KDM4C: variants seen among roughly 807,000 people sequenced by gnomAD.
The protein encoded by KDM4C is lysine demethylase 4C, also known as lysine-specific demethylase 4C.
In KDM4C, 81 loss-of-function variants were observed where a neutral mutation model predicts 129.3. That is an observed-to-expected ratio of 0.63 (90% CI 0.52 to 0.75). The LOEUF is 0.75. Among genes scored for constraint, KDM4C ranks in the 30% least tolerant of loss-of-function variants. The probability of loss-of-function intolerance (pLI) is 0.00; values close to 1 mark genes in which losing one functional copy is unlikely to be tolerated. For synonymous variants in KDM4C, 573 were observed against 456.1 expected (o/e 1.26, Z -3.26); for missense variants, 1,457 against 1,304.0 (o/e 1.12, Z -1.81).
intron 8 of KDM4C, among the ~76,000 whole-genome samples, chr9:6,980,005 C>T (rs113470606): frequency 5.1e-4 from 78 of 152,206 alleles, no homozygotes; most frequent in Middle Eastern, 6.8e-3. Context: ...TATATTAAGA[C>T]TTTGGAGTTA....
At chr9:7,086,489 T>G (rs368747992) in intron 17 of KDM4C, among the ~76,000 whole-genome samples, 1 of 152,172 alleles carries the variant, frequency 6.6e-6, no homozygotes, top group Non-Finnish European at 1.5e-5. Flanking sequence ...TGAGTCCACA[T>G]TGGAATAGGC....
chr9:7,085,029 T>C (rs1329075990), intron 17 of KDM4C, among the ~76,000 whole-genome samples: 1 of 152,148 alleles, frequency 6.6e-6, no homozygotes, highest in African/African-American at 2.4e-5. Context: ...GATCAGTAGG[T>C]GTGGCCAAGA....
At chr9:6,809,465 G>C (rs982662943) in intron 3 of KDM4C, among the ~76,000 whole-genome samples, 1 of 152,158 alleles carries the variant, frequency 6.6e-6, no homozygotes, top group Admixed American at 6.5e-5. Context: ...TAGTAACTCT[G>C]CTTGGCTCCT....
At chr9:6,807,772 C>A (rs1441953273) in intron 3 of KDM4C, among the ~76,000 whole-genome samples, 1 of 145,408 alleles carries the variant, frequency 6.9e-6, no homozygotes, top group South Asian at 2.2e-4. Context: ...CCGGCAGCCA[C>A]CCCGTCTGGG....
intron 8 of KDM4C, among the ~76,000 whole-genome samples, chr9:6,923,300 C>T (rs1258235691): frequency 6.6e-6 from 1 of 151,790 alleles, no homozygotes. Context: ...ACCCTCTTTT[C>T]TGGCTATTGT....
chr9:6,942,062 A>G (rs1563854063), intron 8 of KDM4C, among the ~76,000 whole-genome samples: 1 of 152,222 alleles, frequency 6.6e-6, no homozygotes, highest in Non-Finnish European at 1.5e-5. Context: ...GTTCCAATAT[A>G]AATTGGTAGA....
chr9:6,929,175 A>AT, intron 8 of KDM4C, among the ~76,000 whole-genome samples: 1 of 152,222 alleles, frequency 6.6e-6, no homozygotes, highest in Non-Finnish European at 1.5e-5. Context: ...CTTTACCTTA[A>AT]TTTTAGGGCT....
At chr9:6,803,596 A>AAAAAATT (rs1588381713) in intron 2 of KDM4C, among the ~76,000 whole-genome samples, 2 of 151,738 alleles carry the variant, frequency 1.3e-5, no homozygotes, top group East Asian at 3.9e-4. Context: ...GTTTGTTTTA[A>AAAAAATT]AAAAATTAAA....
intron 8 of KDM4C, chr9:6,974,774 T>C (rs1832656242): frequency 6.6e-6 from 1 of 152,174 alleles, no homozygotes; most frequent in Non-Finnish European, 1.5e-5. Context: ...AGATTTATCA[T>C]CCATATAAAC....
intron 7 of KDM4C, among the ~76,000 whole-genome samples, chr9:6,890,239 G>A (rs191307540): frequency 3.3e-5 from 5 of 152,248 alleles, no homozygotes; most frequent in Admixed American, 1.3e-4. Context: ...TGATTCAGTC[G>A]CATAATCTTT....
intron 19 of KDM4C, among the ~76,000 whole-genome samples, chr9:7,155,541 T>C (rs2130222877): frequency 6.6e-6 from 1 of 152,200 alleles, no homozygotes; most frequent in South Asian, 2.1e-4. Flanking sequence ...CGGTGTGTGA[T>C]GTTCCCTGCC....
chr9:6,983,613 C>CACACACA (rs1554679077), intron 9 of KDM4C, among the ~76,000 whole-genome samples: 22 of 146,498 alleles, frequency 1.5e-4, no homozygotes, highest in Non-Finnish European at 1.5e-4. Context: ...CACACACACA[C>CACACACA]CAGTTAGCCT....
In KDM4C at chr9:7,174,837, G is replaced by A. The variant is rs1845302757; in HGVS notation, c.*108G>A. The A allele has an allele frequency of 4.2e-6, 4 of 942,158 alleles. No homozygotes were observed. The highest frequency in any genetic ancestry group is 2.2e-5 in the Admixed American group (1 of 46,330). The allele number at this position is 942,158 out of a possible 1,614,324, so 58.4% of individuals were successfully genotyped here. On this transcript the variant is annotated 3_prime_UTR_variant, in exon 22 of 22. Transcript: ENST00000381309. ...GTTTTGCTGGCATAGGTGACAGGGT[G>A]TGTCTCTGACAGTGGTAAATCGGGT...
chr9:6,906,974 A>G (rs1424784380), intron 8 of KDM4C, among the ~76,000 whole-genome samples: 1 of 152,246 alleles, frequency 6.6e-6, no homozygotes, highest in Non-Finnish European at 1.5e-5. Flanking sequence ...ATATGGATCA[A>G]GGATTCTAGA....
chr9:7,003,864 A>G (rs1250095515), intron 12 of KDM4C, among the ~76,000 whole-genome samples: 2 of 152,178 alleles, frequency 1.3e-5, no homozygotes, highest in African/African-American at 4.8e-5. Flanking sequence ...CCCAAGTTTG[A>G]ATCTTTGCCT....
intron 5 of KDM4C, among the ~76,000 whole-genome samples, chr9:6,863,428 T>C (rs7867935): frequency 0.14 from 21,487 of 152,074 alleles, 1,878 homozygotes; most frequent in South Asian, 0.34. Flanking sequence ...CTTCTGCATC[T>C]GGTGAGGGTC....
At chr9:6,995,733 GCA>G (rs1819572696) in intron 12 of KDM4C, among the ~76,000 whole-genome samples, 11 of 151,906 alleles carry the variant, frequency 7.2e-5, no homozygotes, top group Admixed American at 6.6e-4. Flanking sequence ...GTGCAGTGGC[GCA>G]GTCTCAGCTC....
intron 12 of KDM4C, among the ~76,000 whole-genome samples, chr9:7,002,822 C>T (rs929423538): frequency 2.0e-5 from 3 of 152,182 alleles, no homozygotes; most frequent in Non-Finnish European, 2.9e-5. Flanking sequence ...TGGTAGATAA[C>T]AGGCTTTAAA....
At chr9:7,128,770 C>CTGTG (rs111822868) in intron 19 of KDM4C, among the ~76,000 whole-genome samples, 3 of 151,592 alleles carry the variant, frequency 2.0e-5, no homozygotes, top group East Asian at 3.9e-4. Context: ...GACTAGAACT[C>CTGTG]TGTGTGTGTG....
Sources: gnomAD v4.1 joint callset for allele counts (sites outside exome capture counted in the v4.1 genomes callset) on GRCh38, gnomAD v4.1.1 for gene constraint, MANE v1.5 for transcripts, NCBI Gene and HGNC (gene_info 2026-07-23, HGNC 2026-07-21) for gene names.